Variants in SDF4 observed in about 807,000 individuals in gnomAD.
The protein encoded by SDF4 is stromal cell derived factor 4.
A neutral mutation model predicts 34.2 loss-of-function variants in SDF4; 22 were observed. The ratio of observed to expected loss-of-function variants is 0.64; its 90% CI spans 0.46 to 0.92. SDF4 has a LOEUF of 0.92. Ranked by LOEUF, SDF4 falls within the 40% of genes least tolerant of loss-of-function variation. The probability of loss-of-function intolerance (pLI) is 0.00; values close to 1 mark genes in which losing one functional copy is unlikely to be tolerated. For missense variants in SDF4, 447 were observed against 499.9 expected (o/e 0.89, Z 1.01); for synonymous variants, 236 against 203.1 (o/e 1.16, Z -1.38).
chr1:1,223,191 G>C, intron 4 of SDF4, 53 bp downstream of exon 4: 1 of 1,216,736 alleles, frequency 8.2e-7, no homozygotes, highest in Non-Finnish European at 1.2e-6. Context: ...CAACACACGC[G>C]CGCACACACA....
intron 2 of SDF4, among the ~76,000 whole-genome samples, chr1:1,227,640 G>C (rs1274106959): frequency 6.6e-6 from 1 of 152,208 alleles, no homozygotes; most frequent in Non-Finnish European, 1.5e-5. Context: ...TCTGCCTCCA[G>C]GGGTGAGGCC....
At chr1:1,229,067 T>C (rs1191629892) in intron 1 of SDF4, 121 bp from the exon 2 acceptor site, 1 of 426,860 alleles carries the variant, frequency 2.3e-6, no homozygotes, top group East Asian at 3.5e-5. Context: ...CATCGCCTTC[T>C]CCAGACCACA....
chr1:1,230,053 C>T (rs565542798), intron 1 of SDF4, among the ~76,000 whole-genome samples: 2 of 152,382 alleles, frequency 1.3e-5, no homozygotes, highest in South Asian at 2.1e-4. Flanking sequence ...CACAGGGCCT[C>T]ATGCCTCATG....
intron 4 of SDF4, 108 bp from the exon 5 acceptor site, chr1:1,219,035 G>C: frequency 6.2e-7 from 1 of 1,604,620 alleles, no homozygotes; most frequent in African/African-American, 1.3e-5. Flanking sequence ...CCACCCGCGA[G>C]ACCGGGGCCC....
At position 1,228,783 on chromosome 1, in the gene SDF4, G is replaced by A. The variant is rs745885698; in HGVS notation, c.-11C>T. On this transcript the variant is annotated 5_prime_UTR_variant, in exon 2 of 7. Coordinates refer to ENST00000360001, the MANE Select transcript of SDF4 (RefSeq NM_016176.6). Reference sequence around the variant, plus strand: ...CCACCTGGACGCCATCGCCACCCAGGGCCAGACCATGGGGCGGGCTGCAGG... The same window carrying A: ...CCACCTGGACGCCATCGCCACCCAGAGCCAGACCATGGGGCGGGCTGCAGG... The A allele has an allele frequency of 1.1e-5, 17 of 1,598,736 alleles. No individual in the cohort carries two copies. In the South Asian group the frequency reaches 1.7e-4, roughly 16 times the overall value.
At position 1,223,676 on chromosome 1, in the gene SDF4, C is replaced by CG. The variant is rs1650112184; in HGVS notation, c.442+155_442+156insC. Among the ~76,000 whole-genome samples, 3 of 152,248 alleles carry CG rather than the reference C, an allele frequency of 2.0e-5. No homozygotes were observed. The South Asian group carries it at 6.2e-4, about 31-fold the overall frequency. ...CAGGATTCTGGCATCATGAACCCAGCTTCCGTGCACCCCACCACACCTCGG... is the reference window on the plus strand; with the variant it reads ...CAGGATTCTGGCATCATGAACCCAGCGTTCCGTGCACCCCACCACACCTCGG... On this transcript the variant is annotated intron_variant, in intron 3 of 6. Transcript: ENST00000360001.
chr1:1,220,134 C>T lies in SDF4; in HGVS notation c.557-1207G>A, dbSNP rs899603499. The T allele has an allele frequency of 4.9e-5, 48 of 987,094 alleles. No homozygotes were observed. In the East Asian group the frequency reaches 5.7e-4, roughly 12 times the overall value. 61.1% of individuals were successfully genotyped at this position (987,094 alleles called of 1,614,324 possible). The stretch of plus-strand genomic sequence containing the variant: ...AGCACAGGATTCTCACAGCCGCCGC[C>T]GAGCCCCAGCACCAACCTCAGGCTG... On this transcript the variant is annotated intron_variant, in intron 4 of 6. Coordinates refer to ENST00000360001, the MANE Select transcript of SDF4 (RefSeq NM_016176.6).
At chr1:1,219,955 A>C in intron 4 of SDF4, 1 of 985,682 alleles carries the variant, frequency 1.0e-6, no homozygotes, top group Non-Finnish European at 1.2e-6. Flanking sequence ...CGGTTCACTT[A>C]AAGGAAGACA....
At chr1:1,226,751 C>T (rs771626875) in intron 2 of SDF4, among the ~76,000 whole-genome samples, 27 of 152,212 alleles carry the variant, frequency 1.8e-4, no homozygotes, top group Non-Finnish European at 2.9e-4. Context: ...CTTGGGGTTT[C>T]GTTACAGGCA....
rs1638407901 is a variant in SDF4 at position 1,229,024 on chromosome 1, C to A, written c.-174-78G>T. The A allele has an allele frequency of 7.1e-6, 4 of 561,022 alleles. No homozygotes were observed. In the South Asian group the frequency reaches 9.6e-5, roughly 13 times the overall value. The allele number at this position is 561,022 out of a possible 1,614,324, so 34.8% of individuals were successfully genotyped here. Reference sequence around the variant, plus strand: ...AGCACGTCTATCCTGCAACATGAAACATATCCTCGATTCACAGGATCCAGA... The same window carrying A: ...AGCACGTCTATCCTGCAACATGAAAAATATCCTCGATTCACAGGATCCAGA... On this transcript the variant is annotated intron_variant, in intron 1 of 6. Transcript: ENST00000360001.
At position 1,218,378 on chromosome 1, in the gene SDF4, C is replaced by A; in HGVS notation, c.891+80G>T. On this transcript the variant is annotated intron_variant, in intron 6 of 6. Transcript: ENST00000360001. The surrounding 1 kb of genome is among the most constrained non-coding windows in gnomAD (Gnocchi z 7.9). ...GCCAGACACCAGCACAGCTTCCTGC[C>A]TCAGGCCCAGATCCACCAGCCCCTC... 6.8e-7 allele frequency: 1 copy of A among 1,475,264 alleles called. No individual in the cohort carries two copies. Among genetic ancestry groups the A allele is most frequent in the Non-Finnish European group, 9.2e-7 (1 of 1,091,740 alleles). The allele number at this position is 1,475,264 out of a possible 1,614,324, so 91.4% of individuals were successfully genotyped here. A position where few individuals can be genotyped will look rare whatever the true frequency, so the allele number is the denominator to read the frequency against.
In SDF4 at chr1:1,218,478, C is replaced by T. The variant is rs113681668; in HGVS notation, c.871G>A (p.Val291Met). 94 of 1,612,652 alleles carry T rather than the reference C, an allele frequency of 5.8e-5. No homozygotes were observed. The highest frequency in any genetic ancestry group is 5.1e-4 in the African/African-American group (38 of 75,056). ...ELIDSNHDGIVTAEELESYMD... is the reference protein window; with the variant it reads ...ELIDSNHDGIMTAEELESYMD... ...CTCACCTCCAGCTCCTCGGCGGTCA[C>T]GATGCCGTCGTGGTTGGAGTCAATG... The change falls in exon 6 of 7, where the codon GTG becomes ATG. Residue 291 changes from valine to methionine, a missense_variant. Transcript: ENST00000360001. This position sits in a 1 kb window ranked among gnomAD's most constrained non-coding sequence, Gnocchi z 7.9.
In SDF4 at chr1:1,228,930, G is replaced by C. The variant is rs949975866; in HGVS notation, c.-158C>G. The C allele has an allele frequency of 1.6e-6, 1 of 635,294 alleles. No individual in the cohort carries two copies. The highest frequency in any genetic ancestry group is 2.7e-6 in the Non-Finnish European group (1 of 368,360). The allele number at this position is 635,294 out of a possible 1,614,324, so 39.4% of individuals were successfully genotyped here. ...GTCCCCAGGACGGCCGCAGGATGGG[G>C]ACAAGCAGCTCACAGTCTGCAGAGA... On this transcript the variant is annotated 5_prime_UTR_variant, in exon 2 of 7. Coordinates refer to ENST00000360001, the MANE Select transcript of SDF4 (RefSeq NM_016176.6).
intron 4 of SDF4, among the ~76,000 whole-genome samples, chr1:1,222,190 A>G (rs1478138695): frequency 6.6e-6 from 1 of 152,190 alleles, no homozygotes; most frequent in Non-Finnish European, 1.5e-5. Context: ...CAAAGCCCCA[A>G]ACCAGACCAC....
chr1:1,228,387 C>A (rs182022102), intron 2 of SDF4, 81 bp downstream of exon 2: 113 of 1,423,696 alleles, frequency 7.9e-5, no homozygotes, highest in Non-Finnish European at 9.5e-5. Flanking sequence ...CCGGCGCCCC[C>A]CACCGCGCAA....
At chr1:1,219,646 C>G (rs542573247) in intron 4 of SDF4, 1 of 986,374 alleles carries the variant, frequency 1.0e-6, no homozygotes, top group South Asian at 4.7e-5. Flanking sequence ...GCTCTCCTGC[C>G]GTGCCCACCC....
At chr1:1,224,063 C>T (rs1244030102) in intron 2 of SDF4, 95 bp from the exon 3 acceptor site, 10 of 1,556,542 alleles carry the variant, frequency 6.4e-6, no homozygotes, top group Admixed American at 3.5e-5. Flanking sequence ...TCCATGGCTG[C>T]GTGAACCTGC....
chr1:1,222,579 C>A (rs76502131), intron 4 of SDF4, among the ~76,000 whole-genome samples: 20 of 152,190 alleles, frequency 1.3e-4, no homozygotes, highest in African/African-American at 4.8e-4. Flanking sequence ...CAGGCACAGG[C>A]TGTGCCCTCT....
Position 1,227,923 on chromosome 1 carries a change from C to T in SDF4, c.305+545G>A, listed in dbSNP as rs554159201. 1.1e-3 allele frequency among the ~76,000 whole-genome samples: 166 copies of T among 152,278 alleles called. 1 individual carries two copies. The highest frequency in any genetic ancestry group is 0.01 in the Middle Eastern group (3 of 294). The stretch of plus-strand genomic sequence containing the variant: ...GCCACTGACAGCACAGCTCTGCTCC[C>T]GACCAGGCCAGCAAAACAAGCCAAC... On this transcript the variant is annotated intron_variant, in intron 2 of 6. Transcript: ENST00000360001.
Sources: allele counts gnomAD v4.1 joint callset (sites outside exome capture counted in the v4.1 genomes callset), GRCh38; gene constraint gnomAD v4.1.1; non-coding constraint Gnocchi (gnomAD v3.1); transcripts MANE v1.5; gene names NCBI Gene and HGNC (gene_info 2026-07-23, HGNC 2026-07-21).